The following KCNQ1 variants were observed in gnomAD, a reference collection of about 807,000 sequenced individuals.
KCNQ1 encodes potassium voltage-gated channel subfamily Q member 1.
KCNQ1 carries 49 observed loss-of-function variants against 72.4 expected under a neutral mutation model. That is an observed-to-expected ratio of 0.68 (90% CI 0.54 to 0.86). The LOEUF is 0.86. Ranked by LOEUF, KCNQ1 falls within the 40% of genes least tolerant of loss-of-function variation. The pLI is 0.00. For synonymous variants in KCNQ1, 450 were observed against 412.6 expected (o/e 1.09, Z -1.10); for missense variants, 790 against 945.1 (o/e 0.84, Z 2.15).
At chr11:2,714,466 C>T (rs1055877227) in intron 11 of KCNQ1, among the ~76,000 whole-genome samples, 3 of 152,248 alleles carry the variant, frequency 2.0e-5, no homozygotes, top group African/African-American at 7.2e-5. Flanking sequence ...GAACTGTCTT[C>T]TCTCTGCTTC....
In KCNQ1 at chr11:2,483,093, G is replaced by C. The variant is rs80259490; in HGVS notation, c.386+37609G>C. On this transcript the variant is annotated intron_variant, in intron 1 of 15. Transcript: ENST00000155840. The surrounding 1 kb of genome is among the most constrained non-coding windows in gnomAD (Gnocchi z 6.1). ...TGATGGAATTGAGGGAGTGGGTGGT[G>C]TGTGCTTCTGCAGGAAGAGCACCCA... Among the ~76,000 whole-genome samples, 31 of 152,292 alleles carry C rather than the reference G, an allele frequency of 2.0e-4. No homozygotes were observed. In the East Asian group the frequency reaches 6.0e-3, roughly 29 times the overall value.
At position 2,768,759 on chromosome 11, in the gene KCNQ1, G is replaced by A. The variant is rs570268501; in HGVS notation, c.1515-85G>A. The A allele has an allele frequency of 1.8e-5, 18 of 998,304 alleles. No individual in the cohort carries two copies. Among genetic ancestry groups the A allele is most frequent in the African/African-American group, 7.9e-5 (5 of 63,084 alleles). 61.8% of individuals were successfully genotyped at this position (998,304 alleles called of 1,614,324 possible). A position where few individuals can be genotyped will look rare whatever the true frequency, so the allele number is the denominator to read the frequency against. On this transcript the variant is annotated intron_variant, in intron 11 of 15. Transcript: ENST00000155840. This position sits in a 1 kb window ranked among gnomAD's most constrained non-coding sequence, Gnocchi z 6.7. Reference sequence around the variant, plus strand: ...TTGTTTCTGGAAGGATCCAGTCTGCGTGCTCCTCAGGCAGTGCAGGGGCAG... The same window carrying A: ...TTGTTTCTGGAAGGATCCAGTCTGCATGCTCCTCAGGCAGTGCAGGGGCAG...
chr11:2,572,721 T>C, intron 5 of KCNQ1, 125 bp from the exon 6 acceptor site: 1 of 1,281,992 alleles, frequency 7.8e-7, no homozygotes, highest in Non-Finnish European at 1.1e-6. Flanking sequence ...GCCCTGTGCA[T>C]GTGAACCGCG....
rs1268795701 is a variant in KCNQ1, at chr11:2,750,463, T to C, written c.1515-18381T>C. On this transcript the variant is annotated intron_variant, in intron 11 of 15. Coordinates refer to ENST00000155840, the MANE Select transcript of KCNQ1 (RefSeq NM_000218.3). This position sits in a 1 kb window ranked among gnomAD's most constrained non-coding sequence, Gnocchi z 6.3. ...CTGCTGGCCCAAGCTCCAAGTTCTC[T>C]GGCTCCCAGGGTCTGTGTGGAATCC... Among the ~76,000 whole-genome samples the C allele has an allele frequency of 6.6e-6, 1 of 152,160 alleles. No homozygotes were observed. The highest frequency in any genetic ancestry group is 1.5e-5 in the Non-Finnish European group (1 of 68,014).
At chr11:2,604,550 A>G (rs1848852693) in intron 10 of KCNQ1, among the ~76,000 whole-genome samples, 1 of 151,620 alleles carries the variant, frequency 6.6e-6, no homozygotes. Context: ...TCAAATGATC[A>G]CTATCTTTTT....
rs1406826677 is a variant in KCNQ1 at position 2,593,167 on chromosome 11, G to A, written c.1393+4313G>A. On this transcript the variant is annotated intron_variant, in intron 10 of 15. Coordinates refer to ENST00000155840, the MANE Select transcript of KCNQ1 (RefSeq NM_000218.3). This position sits in a 1 kb window ranked among gnomAD's most constrained non-coding sequence, Gnocchi z 6.9. ...GGGTACACGATAAAAATGCAGGGCT[G>A]TGCCACCAGGGTTTTGTCTTGACAA... 6.6e-6 allele frequency among the ~76,000 whole-genome samples: 1 copy of A among 152,212 alleles called. No homozygotes were observed. Among genetic ancestry groups the A allele is most frequent in the Non-Finnish European group, 1.5e-5 (1 of 68,028 alleles).
In KCNQ1 at chr11:2,477,193, A is replaced by G. The variant is rs1164548525; in HGVS notation, c.386+31709A>G. Among the ~76,000 whole-genome samples, 1 of 152,248 alleles carries G rather than the reference A, an allele frequency of 6.6e-6. No individual in the cohort carries two copies. Among genetic ancestry groups the G allele is most frequent in the Non-Finnish European group, 1.5e-5 (1 of 68,040 alleles). ...ACATTGGCAGGTGAGATATGTGGAGACATGGCACGTGGTGAAAATGCTTGG... is the reference window on the plus strand; with the variant it reads ...ACATTGGCAGGTGAGATATGTGGAGGCATGGCACGTGGTGAAAATGCTTGG... On this transcript the variant is annotated intron_variant, in intron 1 of 15. Transcript: ENST00000155840. The surrounding 1 kb of genome is among the most constrained non-coding windows in gnomAD (Gnocchi z 5.0).
At chr11:2,461,365 G>C (rs1414504721) in intron 1 of KCNQ1, 26 of 1,194,934 alleles carry the variant, frequency 2.2e-5, no homozygotes, top group African/African-American at 3.2e-5. Flanking sequence ...AGCTCTGTCC[G>C]GGAAGGGAAC....
At chr11:2,573,591 G>A (rs758074670) in intron 6 of KCNQ1, among the ~76,000 whole-genome samples, 4 of 152,238 alleles carry the variant, frequency 2.6e-5, no homozygotes, top group Non-Finnish European at 4.4e-5. Context: ...GTGCAGCTGG[G>A]CCTAGGGAAG....
chr11:2,719,128 C>T (rs2283204), intron 11 of KCNQ1, among the ~76,000 whole-genome samples: 5 of 151,910 alleles, frequency 3.3e-5, no homozygotes, highest in Admixed American at 6.6e-5. Flanking sequence ...CGTGTGCTCT[C>T]GGGTGCAGAG....
At chr11:2,584,689 CAG>C (rs1491442631) in intron 7 of KCNQ1, among the ~76,000 whole-genome samples, 4 of 150,680 alleles carry the variant, frequency 2.7e-5, no homozygotes, top group Admixed American at 1.3e-4. Context: ...GTGTGTGTGT[CAG>C]TGTGTGTGTG....
At position 2,534,801 on chromosome 11, in the gene KCNQ1, C is replaced by T. The variant is rs144262976; in HGVS notation, c.477+6783C>T. Among the ~76,000 whole-genome samples the T allele has an allele frequency of 7.9e-3, 1,206 of 152,352 alleles. 7 individuals are homozygous for T. Among genetic ancestry groups the T allele is most frequent in the Non-Finnish European group, 0.014 (985 of 68,032 alleles). On this transcript the variant is annotated intron_variant, in intron 2 of 15. Coordinates refer to ENST00000155840, the MANE Select transcript of KCNQ1 (RefSeq NM_000218.3). ...GTCTTCTCCCTGGCAGGGTTGTTTC[C>T]GCCTGCATTTGTTCAGCCAGCAAAT...
At chr11:2,472,939 C>T (rs1482193208) in intron 1 of KCNQ1, among the ~76,000 whole-genome samples, 1 of 152,076 alleles carries the variant, frequency 6.6e-6, no homozygotes, top group Admixed American at 6.5e-5. Context: ...CACCCCAGCA[C>T]CGAGATGGGC....
rs1590012665 is a variant in KCNQ1, at chr11:2,659,534, A to G, written c.1394-2427A>G. 5.0e-6 allele frequency: 2 copies of G among 398,522 alleles called. No homozygotes were observed. The highest frequency in any genetic ancestry group is 7.1e-5 in the East Asian group (2 of 28,048). The allele number at this position is 398,522 out of a possible 1,614,324, so 24.7% of individuals were successfully genotyped here. A position where few individuals can be genotyped will look rare whatever the true frequency, so the allele number is the denominator to read the frequency against. ...GAAGGACATCTTCATTGTTTCCAGT[A>G]TTTGGTAATTATGAGCAGAGTTACT... On this transcript the variant is annotated intron_variant, in intron 10 of 15. Transcript: ENST00000155840. The surrounding 1 kb of genome is among the most constrained non-coding windows in gnomAD (Gnocchi z 4.3).
At position 2,623,179 on chromosome 11, in the gene KCNQ1, T is replaced by C. The variant is rs1291796484; in HGVS notation, c.1393+34325T>C. The C allele has an allele frequency of 5.0e-6, 2 of 398,610 alleles. No homozygotes were observed. Among genetic ancestry groups the C allele is most frequent in the Non-Finnish European group, 8.8e-6 (2 of 226,182 alleles). The allele number at this position is 398,610 out of a possible 1,614,324, so 24.7% of individuals were successfully genotyped here. The stretch of plus-strand genomic sequence containing the variant: ...ATGGTAAAGATGTGCCTGCTTCTCC[T>C]TTGCCTTCCGCCATGATTTTAAGTT... On this transcript the variant is annotated intron_variant, in intron 10 of 15. Transcript: ENST00000155840. The surrounding 1 kb of genome is among the most constrained non-coding windows in gnomAD (Gnocchi z 5.2).
chr11:2,545,737 G>A (rs1182982080), intron 2 of KCNQ1, among the ~76,000 whole-genome samples: 1 of 152,078 alleles, frequency 6.6e-6, no homozygotes, highest in East Asian at 1.9e-4. Context: ...CTTCTTGAGT[G>A]GGCTTTGGTA....
chr11:2,520,898 C>A (rs961427281), intron 1 of KCNQ1, among the ~76,000 whole-genome samples: 4 of 152,140 alleles, frequency 2.6e-5, no homozygotes, highest in African/African-American at 9.7e-5. Flanking sequence ...TTTAGGTTCG[C>A]TTCACAAACC....
intron 1 of KCNQ1, among the ~76,000 whole-genome samples, chr11:2,511,571 C>T (rs1847204970): frequency 6.6e-6 from 1 of 152,174 alleles, no homozygotes; most frequent in Non-Finnish European, 1.5e-5. Flanking sequence ...GAGGTGCCAA[C>T]CTGCCCCTCC....
At chr11:2,660,936 T>C (rs551118325) in intron 10 of KCNQ1, 2 of 398,670 alleles carry the variant, frequency 5.0e-6, no homozygotes, top group South Asian at 1.3e-4. Context: ...ATGTCCATGA[T>C]ATACAGAATG....
Sources: gnomAD v4.1 joint callset for allele counts (sites outside exome capture counted in the v4.1 genomes callset) on GRCh38, gnomAD v4.1.1 for gene constraint, Gnocchi (gnomAD v3.1) non-coding constraint, MANE v1.5 for transcripts, NCBI Gene and HGNC (gene_info 2026-07-23, HGNC 2026-07-21) for gene names.